The following UBE4A variants were observed in gnomAD, a reference collection of about 807,000 sequenced individuals.
The protein encoded by UBE4A is ubiquitin conjugation factor E4 A.
A neutral mutation model predicts 117.9 loss-of-function variants in UBE4A; 48 were observed. The ratio of observed to expected loss-of-function variants is 0.41; its 90% CI spans 0.32 to 0.52. The LOEUF (loss-of-function observed/expected upper bound fraction) is 0.52, where lower values mean the gene tolerates loss of function less well. Ranked by LOEUF, UBE4A falls within the 20% of genes least tolerant of loss-of-function variation. The pLI, the probability that UBE4A is intolerant of heterozygous loss-of-function variation, is 0.33. For synonymous variants in UBE4A, 407 were observed against 450.0 expected, an observed-to-expected ratio of 0.90 and a Z score of 1.21; for missense variants, 1,067 against 1,296.3, an observed-to-expected ratio of 0.82 and a Z score of 2.72.
At position 118,382,863 on chromosome 11, in the gene UBE4A, A is replaced by T. The variant is rs1948718139; in HGVS notation, c.2197+87A>T. ...TTGATCCGTATTTGGATATCAAAGA[A>T]ATGTCAAGCCATTACTTATTGAATA... On this transcript the variant is annotated intron_variant, in intron 13 of 19. Transcript: ENST00000252108. 5 of 1,281,062 alleles carry T rather than the reference A, an allele frequency of 3.9e-6. No homozygotes were observed. In the African/African-American group the frequency reaches 7.6e-5, roughly 19 times the overall value. The allele number at this position is 1,281,062 out of a possible 1,614,324, so 79.4% of individuals were successfully genotyped here.
intron 3 of UBE4A, among the ~76,000 whole-genome samples, 161 bp from the exon 4 acceptor site, chr11:118,369,262 A>G (rs977788151): frequency 8.6e-5 from 13 of 151,584 alleles, no homozygotes; most frequent in Middle Eastern, 3.4e-3. Flanking sequence ...CTAGAGGGGG[A>G]AAAAAAAAGA....
chr11:118,375,325 CAAAA>C lies in UBE4A; in HGVS notation c.1450+100_1450+103del, dbSNP rs1231579750. Reference sequence around the variant, plus strand: ...ATCCTTTTTCACAGAGTTCCTTTCTCAAAAAAAGATGAGGCAGAAACGAGCTATT... The same window carrying C: ...ATCCTTTTTCACAGAGTTCCTTTCTCAAAGATGAGGCAGAAACGAGCTATT... On this transcript the variant is annotated intron_variant, in intron 9 of 19. Coordinates refer to ENST00000252108, the MANE Select transcript of UBE4A (RefSeq NM_001204077.2). 8.2e-6 allele frequency: 10 copies of C among 1,226,418 alleles called. No individual in the cohort carries two copies. The East Asian group carries it at 1.1e-4, about 14-fold the overall frequency. 76.0% of individuals were successfully genotyped at this position (1,226,418 alleles called of 1,614,324 possible).
intron 15 of UBE4A, 102 bp downstream of exon 15, chr11:118,385,047 C>A: frequency 9.7e-7 from 1 of 1,033,806 alleles, no homozygotes; most frequent in Non-Finnish European, 1.4e-6. Context: ...AGTCCTTATG[C>A]CCCTAGTACC....
intron 5 of UBE4A, 59 bp downstream of exon 5, chr11:118,371,725 T>A: frequency 6.5e-7 from 1 of 1,528,562 alleles, no homozygotes; most frequent in Non-Finnish European, 8.8e-7. Context: ...CTTCAGCATG[T>A]GGGCCAGAGT....
intron 16 of UBE4A, 74 bp downstream of exon 16, chr11:118,386,686 G>A: frequency 7.0e-7 from 1 of 1,432,180 alleles, no homozygotes; most frequent in Non-Finnish European, 9.2e-7. Context: ...GATCAGCCCA[G>A]CTGAAACTAA....
In UBE4A at chr11:118,369,548, C is replaced by T. The variant is rs775074327; in HGVS notation, c.408+13C>T. On this transcript the variant is annotated intron_variant, in intron 4 of 19. Coordinates refer to ENST00000252108, the MANE Select transcript of UBE4A (RefSeq NM_001204077.2). ...CAATGTTGAGCAGGTAATATTCTTA[C>T]GTTCCTAATGTGTGCCCTTAGCAAA... is the stretch of plus-strand genomic sequence containing the variant. 2.2e-5 allele frequency: 36 copies of T among 1,603,130 alleles called. No individual in the cohort carries two copies. The highest frequency in any genetic ancestry group is 4.0e-5 in the African/African-American group (3 of 74,636).
At chr11:118,366,400 C>T (rs1334718928) in intron 2 of UBE4A, among the ~76,000 whole-genome samples, 2 of 152,166 alleles carry the variant, frequency 1.3e-5, no homozygotes, top group East Asian at 1.9e-4. Context: ...CATTGGAGGT[C>T]AGAGAAAAAC....
chr11:118,380,134 C>CGCGTGT (rs1184259862), intron 11 of UBE4A, among the ~76,000 whole-genome samples: 4 of 136,938 alleles, frequency 2.9e-5, no homozygotes, highest in Non-Finnish European at 4.8e-5. Context: ...TGTGTGTGTG[C>CGCGTGT]GTGTGTGTGT....
At chr11:118,384,167 G>A (rs1292714200) in intron 13 of UBE4A, among the ~76,000 whole-genome samples, 4 of 152,162 alleles carry the variant, frequency 2.6e-5, no homozygotes, top group Non-Finnish European at 4.4e-5. Context: ...AGCAGTATAA[G>A]CCTCAGATTT....
In UBE4A at chr11:118,397,245, C is replaced by CT. The variant is rs1948883474; in HGVS notation, c.*806dup. 6.6e-6 allele frequency: 1 copy of CT among 152,162 alleles called. No homozygotes were observed. The highest frequency in any genetic ancestry group is 2.4e-5 in the African/African-American group (1 of 41,424). 9.4% of individuals were successfully genotyped at this position (152,162 alleles called of 1,614,324 possible). A position where few individuals can be genotyped will look rare whatever the true frequency, so the allele number is the denominator to read the frequency against. Reference sequence around the variant, plus strand: ...CCATGAAAAATGTCATTTTAAGACACTAATATCAACAGTATATCTCAGTGT... The same window carrying CT: ...CCATGAAAAATGTCATTTTAAGACACTTAATATCAACAGTATATCTCAGTGT... On this transcript the variant is annotated 3_prime_UTR_variant, in exon 20 of 20. Coordinates refer to ENST00000252108, the MANE Select transcript of UBE4A (RefSeq NM_001204077.2).
In UBE4A at chr11:118,382,778, TA is replaced by T; in HGVS notation, c.2197+5del. On this transcript the variant is annotated splice_donor_region_variant and intron_variant, in intron 13 of 19. Coordinates refer to ENST00000252108, the MANE Select transcript of UBE4A (RefSeq NM_001204077.2). Reference sequence around the variant, plus strand: ...TTTTTGTGGACATCGAATTTACAGGTAAAGCAGTCATGAAGCTGAGCCCAGA... The same window carrying T: ...TTTTTGTGGACATCGAATTTACAGGTAAGCAGTCATGAAGCTGAGCCCAGA... 6.4e-7 allele frequency: 1 copy of T among 1,572,482 alleles called. No individual in the cohort carries two copies. Among genetic ancestry groups the T allele is most frequent in the South Asian group, 1.2e-5 (1 of 85,576 alleles).
intron 17 of UBE4A, among the ~76,000 whole-genome samples, 151 bp from the exon 18 acceptor site, chr11:118,390,504 TTA>T (rs1948804973): frequency 9.8e-6 from 1 of 101,984 alleles, no homozygotes; most frequent in Non-Finnish European, 2.0e-5. Context: ...TATTTATATA[TTA>T]TAAATAATAT....
intron 1 of UBE4A, among the ~76,000 whole-genome samples, chr11:118,360,422 T>C (rs1421538001): frequency 2.0e-5 from 3 of 152,232 alleles, no homozygotes; most frequent in African/African-American, 7.2e-5. Context: ...AGGCTGCAGA[T>C]AGATGTGTTG....
chr11:118,366,951 C>G (rs1948568353), intron 2 of UBE4A, among the ~76,000 whole-genome samples: 1 of 152,160 alleles, frequency 6.6e-6, no homozygotes, highest in Non-Finnish European at 1.5e-5. Context: ...CGCCTATAAT[C>G]CCAGCACTCT....
chr11:118,371,318 T>A (rs1438044169), intron 4 of UBE4A, among the ~76,000 whole-genome samples, 196 bp from the exon 5 acceptor site: 1 of 152,158 alleles, frequency 6.6e-6, no homozygotes, highest in African/African-American at 2.4e-5. Flanking sequence ...AGGCTTGATT[T>A]AGGATAACTT....
intron 11 of UBE4A, among the ~76,000 whole-genome samples, chr11:118,380,134 CGTGTGTGTGTGTGTGTGT>C (rs55892936): frequency 0.18 from 24,316 of 137,056 alleles, 2,489 homozygotes; most frequent in East Asian, 0.51. Context: ...TGTGTGTGTG[CGTGTGTGTGTGTGTGTGT>C]GTGTGTGTGT....
At position 118,373,577 on chromosome 11, in the gene UBE4A, C is replaced by G. The variant is rs1371780576; in HGVS notation, c.1008C>G (p.Ile336Met). Reference protein sequence around the residue: ...QKTLLGVILSISCLLKTPGVV... With the variant: ...QKTLLGVILSMSCLLKTPGVV... Reference sequence around the variant, plus strand: ...CCTTGCTGGGAGTAATTCTGAGTATCTCCTGCTTATTAAAGACTCCGGGTG... The same window carrying G: ...CCTTGCTGGGAGTAATTCTGAGTATGTCCTGCTTATTAAAGACTCCGGGTG... The change falls in exon 8 of 20, where the codon ATC becomes ATG. Residue 336 changes from isoleucine to methionine, a missense_variant. By Grantham distance (10) the Ile-to-Met change is conservative. Transcript: ENST00000252108. 6.2e-7 allele frequency: 1 copy of G among 1,614,210 alleles called. No individual in the cohort carries two copies. Among genetic ancestry groups the G allele is most frequent in the Non-Finnish European group, 8.5e-7 (1 of 1,180,030 alleles).
At chr11:118,380,160 T>C (rs1003608013) in intron 11 of UBE4A, among the ~76,000 whole-genome samples, 14 of 134,032 alleles carry the variant, frequency 1.0e-4, no homozygotes, top group African/African-American at 3.5e-4. Flanking sequence ...TGTGTGTGTG[T>C]GTGTGTGTGT....
intron 5 of UBE4A, among the ~76,000 whole-genome samples, chr11:118,372,241 C>T (rs1369592734): frequency 8.5e-5 from 13 of 152,150 alleles, no homozygotes; most frequent in East Asian, 1.9e-4. Context: ...GGTGACAGAG[C>T]GAGACTCTGT....
Sources: allele counts gnomAD v4.1 joint callset (sites outside exome capture counted in the v4.1 genomes callset), GRCh38; gene constraint gnomAD v4.1.1; transcripts MANE v1.5; gene names NCBI Gene and HGNC (gene_info 2026-07-23, HGNC 2026-07-21).